RABGGTB: variants seen among roughly 807,000 people sequenced by gnomAD.
The protein encoded by RABGGTB is Rab geranylgeranyltransferase subunit beta.
In RABGGTB, 20 loss-of-function variants were observed where a neutral mutation model predicts 44.5. That is an observed-to-expected ratio of 0.45 (90% CI 0.32 to 0.65). The LOEUF (loss-of-function observed/expected upper bound fraction) is 0.65, where lower values mean the gene tolerates loss of function less well. Among genes scored for constraint, RABGGTB ranks in the 30% least tolerant of loss-of-function variants. The probability of loss-of-function intolerance (pLI) is 0.05; values close to 1 mark genes in which losing one functional copy is unlikely to be tolerated. For missense variants in RABGGTB, 302 were observed against 398.7 expected, an observed-to-expected ratio of 0.76 and a Z score of 2.06; for synonymous variants, 128 against 136.7, an observed-to-expected ratio of 0.94 and a Z score of 0.44.
At chr1:75,788,446 A>G (rs888476166) in intron 2 of RABGGTB, 8 of 154,526 alleles carry the variant, frequency 5.2e-5, no homozygotes, top group African/African-American at 1.9e-4. Flanking sequence ...ACATTCCACC[A>G]TGCCCAGCTA....
intron 8 of RABGGTB, 116 bp downstream of exon 8, chr1:75,794,349 CTATT>C (rs1649718820): frequency 7.5e-7 from 1 of 1,335,518 alleles, no homozygotes; most frequent in South Asian, 1.5e-5. Flanking sequence ...GTTTTTTTTT[CTATT>C]TATTGTAGAG....
At chr1:75,790,232 A>G (rs1039706196) in intron 4 of RABGGTB, 175 bp downstream of exon 4, 26 of 1,350,074 alleles carry the variant, frequency 1.9e-5, no homozygotes, top group Non-Finnish European at 2.4e-5. Context: ...ATATCAGCAT[A>G]TACAGGAGCA....
Position 75,791,302 on chromosome 1 carries a change from TTC to T in RABGGTB, c.437_438del (p.Ser146PhefsTer14). ...TATTGTAGGAGAAATTGACACAAGA[TTC>T]TCTTTTTGTGCGGTGGCAACTTTGG... ...GDIWGEIDTRFSFCAVATLAL... is the reference protein window; with the variant it reads ...GDIWGEIDTRXSFCAVATLAL... On this transcript the variant is annotated frameshift_variant, in exon 5 of 9. Transcript: ENST00000319942. LOFTEE classifies it high-confidence loss of function. The T allele has an allele frequency of 6.2e-7, 1 of 1,610,614 alleles. No individual in the cohort carries two copies. Among genetic ancestry groups the T allele is most frequent in the Non-Finnish European group, 8.5e-7 (1 of 1,176,792 alleles).
At chr1:75,790,355 T>TA (rs67126568) in intron 4 of RABGGTB, 13,003 of 1,133,720 alleles carry the variant, frequency 0.011, no homozygotes, top group East Asian at 0.082. Flanking sequence ...GAAAAATATT[T>TA]AAAAAAAAAA....
At chr1:75,787,827 T>G in intron 2 of RABGGTB, 1 of 696,672 alleles carries the variant, frequency 1.4e-6, no homozygotes, top group Non-Finnish European at 2.6e-6. Context: ...CCAGACAAAG[T>G]AGATGAGGGT....
intron 2 of RABGGTB, chr1:75,787,943 A>G: frequency 1.8e-6 from 1 of 551,286 alleles, no homozygotes; most frequent in Middle Eastern, 3.0e-4. Context: ...GTGTAATAAC[A>G]CTTTAGCTCT....
chr1:75,787,006 GTTTATT>G (rs1024540933), intron 1 of RABGGTB: 4 of 491,004 alleles, frequency 8.1e-6, no homozygotes, highest in Non-Finnish European at 1.6e-5. Context: ...ATTCTATGGT[GTTTATT>G]TTTTACTTAT....
intron 2 of RABGGTB, chr1:75,788,654 C>G (rs1238829604): frequency 6.4e-6 from 1 of 156,156 alleles, no homozygotes; most frequent in East Asian, 1.9e-4. Context: ...AATCCTAATA[C>G]TAATTTTCAT....
chr1:75,790,780 G>A (rs1007024598), intron 4 of RABGGTB, among the ~76,000 whole-genome samples: 1 of 151,932 alleles, frequency 6.6e-6, no homozygotes, highest in Non-Finnish European at 1.5e-5. Flanking sequence ...CCAAGCTCAA[G>A]CAATTCTCCT....
chr1:75,787,816 G>T, intron 2 of RABGGTB: 1 of 690,664 alleles, frequency 1.4e-6, no homozygotes, highest in Admixed American at 2.1e-5. Context: ...GAGAGGGCTT[G>T]CCAGACAAAG....
rs1270462286 is a variant in RABGGTB, at chr1:75,792,238, G to A, written c.637G>A (p.Asp213Asn). The change falls in exon 7 of 9, where the codon GAT (aspartate) becomes AAT (asparagine). Residue 213 changes from aspartate to asparagine, a missense_variant. Physicochemically the swap from Asp to Asn is conservative, Grantham distance 23. Transcript: ENST00000319942. ...ITSQLHQVNS[D>N]LLGWWLCERQ... is the part of the protein sequence containing the mutation. ...AAGTCAGTTGCATCAAGTAAATTCT[G>A]ATTTACTTGGCTGGTGGCTTTGTGA... 6.2e-7 allele frequency: 1 copy of A among 1,613,510 alleles called. No homozygotes were observed. Among genetic ancestry groups the A allele is most frequent in the African/African-American group, 1.3e-5 (1 of 75,016 alleles).
At chr1:75,786,796 A>G (rs2100481592) in intron 1 of RABGGTB, 1 of 305,096 alleles carries the variant, frequency 3.3e-6, no homozygotes, top group South Asian at 2.8e-5. Flanking sequence ...CTCGGATTAA[A>G]GGTGGAGAAG....
intron 7 of RABGGTB, 81 bp from the exon 8 acceptor site, chr1:75,793,990 TTACCTAAGAGTGA>T: frequency 8.9e-7 from 1 of 1,129,268 alleles, no homozygotes; most frequent in Non-Finnish European, 1.3e-6. Context: ...GAACATCAGA[TTACCTAAGAGTGA>T]GACTTAACCC....
intron 7 of RABGGTB, chr1:75,793,868 G>A: frequency 2.3e-6 from 1 of 440,746 alleles, no homozygotes; most frequent in Admixed American, 3.7e-5. Context: ...ATGAATTGAA[G>A]TTTGGTCTCT....
chr1:75,793,142 A>G (rs1484433547), intron 7 of RABGGTB, among the ~76,000 whole-genome samples: 5 of 150,932 alleles, frequency 3.3e-5, no homozygotes, highest in Admixed American at 3.3e-4. Flanking sequence ...TTATAAATGT[A>G]AAAACTATTC....
chr1:75,786,797 G>A (rs1182442298), intron 1 of RABGGTB: 2 of 305,652 alleles, frequency 6.5e-6, no homozygotes, highest in Admixed American at 1.0e-4. Flanking sequence ...TCGGATTAAA[G>A]GTGGAGAAGA....
chr1:75,792,646 G>T (rs370118056), intron 7 of RABGGTB, among the ~76,000 whole-genome samples: 15 of 152,204 alleles, frequency 9.9e-5, no homozygotes, highest in East Asian at 5.8e-4. Flanking sequence ...AGATAATTTG[G>T]TTTGGAGAGA....
intron 4 of RABGGTB, chr1:75,790,285 T>C: frequency 8.1e-7 from 1 of 1,230,938 alleles, no homozygotes; most frequent in South Asian, 4.2e-5. Context: ...GTAGGTGGAA[T>C]TTTTTTCCCC....
rs757349050 is a variant in RABGGTB, at chr1:75,787,569, T to C, written c.76T>C (p.Tyr26His). Residue 26 changes from tyrosine to histidine, a missense_variant, in exon 2 of 9, where the codon TAT becomes CAT. By Grantham distance (83) the Tyr-to-His change is moderately conservative. Around this residue, in one of 2 missense-constraint regions of RABGGTB, gnomAD observed 89 missense variants for 75.0 expected, o/e 1.19. Coordinates refer to ENST00000319942, the MANE Select transcript of RABGGTB (RefSeq NM_004582.4). ...DTLLLEKHADYIASYGSKKDD... is the reference protein window; with the variant it reads ...DTLLLEKHADHIASYGSKKDD... Reference sequence around the variant, plus strand: ...TTTGTTATTGGAGAAACATGCAGATTATATCGCATCCTATGGCTCAAAGAA... The same window carrying C: ...TTTGTTATTGGAGAAACATGCAGATCATATCGCATCCTATGGCTCAAAGAA... 18 of 1,613,744 alleles carry C rather than the reference T, an allele frequency of 1.1e-5. No homozygotes were observed. The highest frequency in any genetic ancestry group is 8.3e-5 in the Admixed American group (5 of 60,018).
Sources: allele counts gnomAD v4.1 joint callset (sites outside exome capture counted in the v4.1 genomes callset), GRCh38; gene constraint gnomAD v4.1.1; regional missense constraint gnomAD v4.1.1; transcripts MANE v1.5; gene names NCBI Gene and HGNC (gene_info 2026-07-23, HGNC 2026-07-21).